The following TPTE2 variants were observed in gnomAD, a reference collection of about 807,000 sequenced individuals.
The protein encoded by TPTE2 is phosphatidylinositol 3,4,5-trisphosphate 3-phosphatase TPTE2.
TPTE2 carries 53 observed loss-of-function variants against 78.6 expected under a neutral mutation model. The observed-to-expected ratio is 0.67, with a 90% CI of 0.54 to 0.85. The LOEUF (loss-of-function observed/expected upper bound fraction) is 0.85. TPTE2 is among the 40% of genes least tolerant of loss of function. The probability of loss-of-function intolerance (pLI) is 0.00; values close to 1 mark genes in which losing one functional copy is unlikely to be tolerated. For missense variants in TPTE2, 461 were observed against 623.0 expected (o/e 0.74, Z 2.77); for synonymous variants, 175 against 206.2 (o/e 0.85, Z 1.30).
intron 19 of TPTE2, 139 bp from the exon 23 acceptor site, chr13:19,423,303 G>T: frequency 1.8e-6 from 1 of 559,694 alleles, no homozygotes; most frequent in Non-Finnish European, 3.0e-6. Flanking sequence ...TTGCATTTCA[G>T]TTGGCTCCTT....
At position 19,449,199 on chromosome 13, in the gene TPTE2, GT is replaced by G. The variant is rs535570028; in HGVS notation, c.973+876del. 2.6e-3 allele frequency among the ~76,000 whole-genome samples: 401 copies of G among 152,178 alleles called. 2 individuals carry two copies. Among genetic ancestry groups the G allele is most frequent in the African/African-American group, 9.1e-3 (379 of 41,510 alleles). On this transcript the variant is annotated intron_variant, in intron 13 of 19. Coordinates refer to ENST00000400230, the Ensembl canonical transcript of TPTE2. ...TATTATTGTTATTTTTTTAGATGGA[GT>G]TTTGTTCTTGTTGCTCAGGCTGGAG... is the stretch of plus-strand genomic sequence containing the variant.
chr13:19,423,523 A>G (rs879045189), intron 19 of TPTE2, among the ~76,000 whole-genome samples: 20 of 150,444 alleles, frequency 1.3e-4, no homozygotes, highest in African/African-American at 3.4e-4. Flanking sequence ...TTATGTGTGA[A>G]GTTGCAATTT....
chr13:19,474,211 G>A lies in TPTE2; in HGVS notation c.231-136C>T. On this transcript the variant is annotated intron_variant, in intron 5 of 19. Coordinates refer to ENST00000400230, the Ensembl canonical transcript of TPTE2. ...AAATGTTATTATTTAGTATTAAGCTGCCCAGTGGCAGGAAAAACTGTAATG... is the reference window on the plus strand; with the variant it reads ...AAATGTTATTATTTAGTATTAAGCTACCCAGTGGCAGGAAAAACTGTAATG... 3 of 912,620 alleles carry A rather than the reference G, an allele frequency of 3.3e-6. No individual in the cohort carries two copies. The South Asian group carries it at 9.5e-5, about 29-fold the overall frequency. 56.5% of individuals were successfully genotyped at this position (912,620 alleles called of 1,614,324 possible). A position where few individuals can be genotyped will look rare whatever the true frequency, so the allele number is the denominator to read the frequency against.
At chr13:19,557,906 T>G in the TPTE2 span, among the ~76,000 whole-genome samples, 1 of 152,184 alleles carries the variant, frequency 6.6e-6, no homozygotes, top group East Asian at 1.9e-4. Context: ...AATTAATACT[T>G]AATTCAGGGC....
chr13:19,519,849 T>C (rs1170253335), intron 1 of TPTE2, among the ~76,000 whole-genome samples: 1 of 152,192 alleles, frequency 6.6e-6, no homozygotes, highest in African/African-American at 2.4e-5. Flanking sequence ...CTGAGTTGAA[T>C]ATGTAGATCA....
chr13:19,483,933 C>T lies in TPTE2; in HGVS notation c.120-1386G>A, dbSNP rs545134810. On this transcript the variant is annotated intron_variant, in intron 3 of 19. Coordinates refer to ENST00000400230, the Ensembl canonical transcript of TPTE2. ...TCTAATGCTATCCCTCCCCCCTCCCCCTACCCAATCAGGCCCCAGTGTGTG... is the reference window on the plus strand; with the variant it reads ...TCTAATGCTATCCCTCCCCCCTCCCTCTACCCAATCAGGCCCCAGTGTGTG... Among the ~76,000 whole-genome samples the T allele has an allele frequency of 1.3e-4, 18 of 143,658 alleles. No homozygotes were observed. The South Asian group carries it at 4.2e-3, about 34-fold the overall frequency. The allele number at this position is 143,658 out of a possible 152,430, so 94.2% of individuals were successfully genotyped here.
rs1160997257 is a variant in TPTE2, at chr13:19,501,547, G to GAAA, written c.11+1676_11+1677insTTT. Among the ~76,000 whole-genome samples, 5 of 149,810 alleles carry GAAA rather than the reference G, an allele frequency of 3.3e-5. 1 individual carries two copies. The highest frequency in any genetic ancestry group is 9.8e-5 in the African/African-American group (4 of 40,648). ...GACAAACCTGAGAAAAACAAGCAAT[G>GAAA]GGGAAAGGATTCCCTATTTAATAAA... On this transcript the variant is annotated intron_variant, in intron 1 of 19. Coordinates refer to ENST00000400230, the Ensembl canonical transcript of TPTE2.
intron 17 of TPTE2, among the ~76,000 whole-genome samples, chr13:19,428,499 A>G (rs1030810474): frequency 6.6e-6 from 1 of 151,802 alleles, no homozygotes; most frequent in Non-Finnish European, 1.5e-5. Context: ...ACAACAAACA[A>G]TGTCGGGCAG....
At chr13:19,501,590 G>GC (rs1868562096) in intron 1 of TPTE2, among the ~76,000 whole-genome samples, 1 of 151,698 alleles carries the variant, frequency 6.6e-6, no homozygotes, top group African/African-American at 2.4e-5. Context: ...GGGAAAACTG[G>GC]CTAGCCATAA....
At chr13:19,435,994 C>A (rs1331035560) in intron 15 of TPTE2, among the ~76,000 whole-genome samples, 2 of 152,038 alleles carry the variant, frequency 1.3e-5, no homozygotes, top group Non-Finnish European at 1.5e-5. Context: ...TAAACAATAA[C>A]CAGTATAGAA....
At chr13:19,537,669 G>GCCAGC, upstream of TPTE2, among the ~76,000 whole-genome samples, 6 of 149,728 alleles carry the variant, frequency 4.0e-5, no homozygotes, top group African/African-American at 1.5e-4. Context: ...GTGGTACTGT[G>GCCAGC]TTGGCTCACT....
At chr13:19,546,239 A>C in the TPTE2 span, among the ~76,000 whole-genome samples, 4 of 152,124 alleles carry the variant, frequency 2.6e-5, no homozygotes, top group Non-Finnish European at 5.9e-5. Context: ...GCTGTTCAGC[A>C]ACATTACATT....
Position 19,518,919 on chromosome 13 carries a change from AGTAATTGGTAG to A in TPTE2, c.-43-15653_-43-15643del, listed in dbSNP as rs1248341930. 5.9e-5 allele frequency among the ~76,000 whole-genome samples: 9 copies of A among 152,342 alleles called. 1 individual carries two copies. The South Asian group carries it at 1.7e-3, about 28-fold the overall frequency. ...ACCTGAGAGCAGAAGCCACAGAGCC[AGTAATTGGTAG>A]GAACACTTCAATGGTAATCAATAAA... is the stretch of plus-strand genomic sequence containing the variant. On this transcript the variant is annotated intron_variant, in intron 1 of 17. Transcript: ENST00000390680.
At chr13:19,458,513 A>G (rs1034775486) in intron 10 of TPTE2, 6 of 385,952 alleles carry the variant, frequency 1.6e-5, no homozygotes, top group Non-Finnish European at 3.1e-5. Context: ...GGGATTCTCA[A>G]AATACTCTAT....
intron 11 of TPTE2, among the ~76,000 whole-genome samples, chr13:19,450,738 A>G (rs1243926677): frequency 1.3e-5 from 2 of 152,188 alleles, no homozygotes; most frequent in African/African-American, 2.4e-5. Flanking sequence ...AAACTGGGTT[A>G]CAACCTATTT....
At chr13:19,525,179 G>C (rs969380422) in intron 1 of TPTE2, among the ~76,000 whole-genome samples, 1 of 152,122 alleles carries the variant, frequency 6.6e-6, no homozygotes, top group Non-Finnish European at 1.5e-5. Context: ...AGACAGATTT[G>C]AGAAACAGCA....
intron 1 of TPTE2, among the ~76,000 whole-genome samples, chr13:19,534,586 T>A (rs1047873693): frequency 2.0e-5 from 3 of 152,206 alleles, no homozygotes; most frequent in Admixed American, 1.3e-4. Flanking sequence ...TATGAGCTAC[T>A]TCCTCCCTCT....
rs1156366731 is a variant in TPTE2, at chr13:19,497,592, G to C, written c.12-4091C>G. On this transcript the variant is annotated intron_variant, in intron 1 of 19. Transcript: ENST00000400230. Reference sequence around the variant, plus strand: ...CAACAGACCTGCAGCTGAGGGTCCTGTCTGTTAGAAAGAAAACTAACAAAC... The same window carrying C: ...CAACAGACCTGCAGCTGAGGGTCCTCTCTGTTAGAAAGAAAACTAACAAAC... Among the ~76,000 whole-genome samples the C allele has an allele frequency of 7.3e-5, 6 of 82,002 alleles. 1 individual carries two copies. The highest frequency in any genetic ancestry group is 1.5e-4 in the Admixed American group (1 of 6,876). The allele number at this position is 82,002 out of a possible 152,430, so 53.8% of individuals were successfully genotyped here.
At chr13:19,435,554 T>A (rs929746203) in intron 15 of TPTE2, among the ~76,000 whole-genome samples, 4 of 152,118 alleles carry the variant, frequency 2.6e-5, no homozygotes, top group African/African-American at 7.2e-5. Context: ...TGGACTTTTG[T>A]ATATGATTAA....
Sources: gnomAD v4.1 joint callset for allele counts (sites outside exome capture counted in the v4.1 genomes callset) on GRCh38, gnomAD v4.1.1 for gene constraint, MANE v1.5 for transcripts, NCBI Gene and HGNC (gene_info 2026-07-23, HGNC 2026-07-21) for gene names.